Variants in SIAH3 observed in about 807,000 individuals in gnomAD.
SIAH3 encodes siah E3 ubiquitin protein ligase family member 3.
A neutral mutation model predicts 12.6 loss-of-function variants in SIAH3; 9 were observed. That is an observed-to-expected ratio of 0.72 (90% CI 0.43 to 1.25). The LOEUF (loss-of-function observed/expected upper bound fraction) is 1.25. Ranked by LOEUF, SIAH3 falls within the 50% of genes most tolerant of loss-of-function variation. SIAH3 has a pLI of 0.00. For synonymous variants in SIAH3, 154 were observed against 151.1 expected (o/e 1.02, Z -0.14); for missense variants, 390 against 365.4 (o/e 1.07, Z -0.55).
chr13:45,791,079 AG>A (rs1950544301), intron 1 of SIAH3, among the ~76,000 whole-genome samples: 1 of 152,112 alleles, frequency 6.6e-6, no homozygotes, highest in Non-Finnish European at 1.5e-5. Flanking sequence ...TGGGCGGATC[AG>A]GTTAGCCCAG....
intron 1 of SIAH3, among the ~76,000 whole-genome samples, chr13:45,820,038 A>G (rs535195993): frequency 6.6e-6 from 1 of 152,334 alleles, no homozygotes; most frequent in Non-Finnish European, 1.5e-5. Flanking sequence ...GAAGAAGGGC[A>G]AGAGAGCCGA....
At chr13:45,804,696 A>G (rs1256983094) in intron 1 of SIAH3, among the ~76,000 whole-genome samples, 3 of 152,164 alleles carry the variant, frequency 2.0e-5, no homozygotes, top group African/African-American at 4.8e-5. Context: ...TATTCAACGT[A>G]GTATTGGAAG....
chr13:45,836,855 T>C (rs958134265), intron 1 of SIAH3, among the ~76,000 whole-genome samples: 2 of 152,238 alleles, frequency 1.3e-5, no homozygotes, highest in Non-Finnish European at 2.9e-5. Context: ...CGTTCCTGGA[T>C]GTCCCCAGTT....
chr13:45,803,612 G>T (rs1218284614), intron 1 of SIAH3, among the ~76,000 whole-genome samples: 2 of 152,162 alleles, frequency 1.3e-5, no homozygotes, highest in Non-Finnish European at 2.9e-5. Context: ...TAGACAAAAA[G>T]CAATAGAATT....
At chr13:45,832,467 C>T (rs1950702727) in intron 1 of SIAH3, among the ~76,000 whole-genome samples, 1 of 152,154 alleles carries the variant, frequency 6.6e-6, no homozygotes, top group South Asian at 2.1e-4. Context: ...TTGGGTCTGG[C>T]TTATTTCATT....
intron 1 of SIAH3, among the ~76,000 whole-genome samples, chr13:45,838,299 C>T (rs758020871): frequency 1.3e-5 from 2 of 152,166 alleles, no homozygotes; most frequent in African/African-American, 2.4e-5. Context: ...CCTGGGAGCT[C>T]GCCTTTCTGT....
chr13:45,850,795 C>T (rs1392673823), intron 1 of SIAH3, among the ~76,000 whole-genome samples: 6 of 152,112 alleles, frequency 3.9e-5, no homozygotes, highest in African/African-American at 7.2e-5. Flanking sequence ...GCCTAGGGTG[C>T]TCCAGGCAGC....
chr13:45,801,101 G>GGGC lies in SIAH3; in HGVS notation c.136-17045_136-17044insGCC, dbSNP rs1555257359. On this transcript the variant is annotated intron_variant, in intron 1 of 1. Transcript: ENST00000400405. ...TGGGTGAAGTGATGGGTGGCGGGGG[G>GGGC]GGGCATGGCTGTAGACGTTGCTATT... Among the ~76,000 whole-genome samples, 6 of 79,396 alleles carry GGGC rather than the reference G, an allele frequency of 7.6e-5. No homozygotes were observed. The East Asian group carries it at 1.1e-3, about 15-fold the overall frequency. 52.1% of individuals were successfully genotyped at this position (79,396 alleles called of 152,430 possible). A position where few individuals can be genotyped will look rare whatever the true frequency, so the allele number is the denominator to read the frequency against.
At chr13:45,813,324 A>G (rs532146035) in intron 1 of SIAH3, among the ~76,000 whole-genome samples, 1 of 152,298 alleles carries the variant, frequency 6.6e-6, no homozygotes, top group East Asian at 1.9e-4. Flanking sequence ...GAGAGAGAGG[A>G]TGGGAAAGAG....
intron 1 of SIAH3, among the ~76,000 whole-genome samples, chr13:45,845,989 C>T (rs114718252): frequency 0.011 from 1,719 of 151,266 alleles, 32 homozygotes; most frequent in African/African-American, 0.038. Context: ...CGCTCCCACA[C>T]CATGTATCTG....
At chr13:45,810,319 G>A (rs1950612076) in intron 1 of SIAH3, among the ~76,000 whole-genome samples, 1 of 152,222 alleles carries the variant, frequency 6.6e-6, no homozygotes, top group Admixed American at 6.5e-5. Flanking sequence ...CAGTGCCTGG[G>A]TGAGGAATAG....
chr13:45,812,601 C>T (rs149367098), intron 1 of SIAH3, among the ~76,000 whole-genome samples: 3 of 152,060 alleles, frequency 2.0e-5, no homozygotes, highest in East Asian at 1.9e-4. Context: ...ACTAGGACCC[C>T]GGGGTACAGC....
chr13:45,825,907 T>C (rs1420943905), intron 1 of SIAH3, among the ~76,000 whole-genome samples: 1 of 152,146 alleles, frequency 6.6e-6, no homozygotes, highest in Non-Finnish European at 1.5e-5. Context: ...CCCCTGACCA[T>C]GAAGACCAAA....
At position 45,833,655 on chromosome 13, in the gene SIAH3, C is replaced by T. The variant is rs141723946; in HGVS notation, c.135+17840G>A. The stretch of plus-strand genomic sequence containing the variant: ...CAGATATTTTCTCATTCGATCCTCA[C>T]GATAAACCATTGTGGTTGGCAGGGT... On this transcript the variant is annotated intron_variant, in intron 1 of 1. Coordinates refer to ENST00000400405, the MANE Select transcript of SIAH3 (RefSeq NM_198849.3). Among the ~76,000 whole-genome samples, 808 of 152,282 alleles carry T rather than the reference C, an allele frequency of 5.3e-3. 11 individuals carry two copies. The Middle Eastern group carries it at 0.061, about 12-fold the overall frequency.
rs372840126 is a variant in SIAH3 at position 45,851,434 on chromosome 13, C to A, written c.135+61G>T. 20 of 1,598,944 alleles carry A rather than the reference C, an allele frequency of 1.3e-5. 1 individual carries two copies. The highest frequency in any genetic ancestry group is 1.1e-4 in the East Asian group (5 of 44,554). ...GCACACGTTCGCCGGAGGGTCGCTG[C>A]CGCCTCCGAGAAAGGACTTGAACCT... On this transcript the variant is annotated intron_variant, in intron 1 of 1. Coordinates refer to ENST00000400405, the MANE Select transcript of SIAH3 (RefSeq NM_198849.3).
intron 1 of SIAH3, among the ~76,000 whole-genome samples, chr13:45,830,683 T>TC (rs1423479207): frequency 2.0e-5 from 3 of 152,188 alleles, no homozygotes; most frequent in Non-Finnish European, 2.9e-5. Context: ...CTAAACTTGC[T>TC]CCCAGCTCTT....
At chr13:45,840,748 T>C (rs1336460524) in intron 1 of SIAH3, among the ~76,000 whole-genome samples, 1 of 152,202 alleles carries the variant, frequency 6.6e-6, no homozygotes, top group African/African-American at 2.4e-5. Context: ...AAGTGAAATA[T>C]ACTCAATATT....
At chr13:45,805,011 A>AC (rs1555257638) in intron 1 of SIAH3, among the ~76,000 whole-genome samples, 1,215 of 118,704 alleles carry the variant, frequency 0.01, 9 homozygotes, top group East Asian at 0.028. Flanking sequence ...CACACACACA[A>AC]AATACTTTGG....
chr13:45,848,244 TG>T (rs1228957505), intron 1 of SIAH3, among the ~76,000 whole-genome samples: 1 of 152,028 alleles, frequency 6.6e-6, no homozygotes, highest in Non-Finnish European at 1.5e-5. Context: ...TGGAAAGAAG[TG>T]GGGGCACCAT....
Sources: gnomAD v4.1 joint callset for allele counts (sites outside exome capture counted in the v4.1 genomes callset) on GRCh38, gnomAD v4.1.1 for gene constraint, MANE v1.5 for transcripts, NCBI Gene and HGNC (gene_info 2026-07-23, HGNC 2026-07-21) for gene names.